The following SLCO1A2 variants were observed in gnomAD, a reference collection of about 807,000 sequenced individuals.
The protein encoded by SLCO1A2 is solute carrier organic anion transporter family member 1A2.
Under a neutral mutation model 69.0 loss-of-function variants are expected in SLCO1A2, and 67 were observed. The ratio of observed to expected loss-of-function variants is 0.97; its 90% CI spans 0.80 to 1.19. The LOEUF (loss-of-function observed/expected upper bound fraction) is 1.19, where lower values mean the gene tolerates loss of function less well. SLCO1A2 is among the 50% of genes most tolerant of loss of function. The probability of loss-of-function intolerance (pLI) is 0.00; values close to 1 mark genes in which losing one functional copy is unlikely to be tolerated. For synonymous variants in SLCO1A2, 260 were observed against 265.9 expected, an observed-to-expected ratio of 0.98 and a Z score of 0.22; for missense variants, 787 against 793.7, an observed-to-expected ratio of 0.99 and a Z score of 0.10.
At chr12:21,367,737 T>C (rs776606223) in intron 2 of SLCO1A2, among the ~76,000 whole-genome samples, 14 of 151,994 alleles carry the variant, frequency 9.2e-5, no homozygotes, top group Non-Finnish European at 2.1e-4. Flanking sequence ...GCTATCAAAG[T>C]ACCGAGACTA....
Position 21,314,597 on chromosome 12 carries a change from A to G in SLCO1A2, c.287T>C (p.Met96Thr). 6.2e-7 allele frequency: 1 copy of G among 1,614,144 alleles called. No homozygotes were observed. Among genetic ancestry groups the G allele is most frequent in the Non-Finnish European group, 8.5e-7 (1 of 1,179,972 alleles). Residue 96 changes from methionine to threonine, a missense_variant, in exon 4 of 15, where the codon ATG (methionine) becomes ACG (threonine). Transcript: ENST00000683939. ...PIMIGIGCVV[M>T]GLGCFLKSLP... ...TGATTTTAAGAAACAGCCTAAGCCC[A>G]TAACCACACATCCAATGCCAATCAT...
In SLCO1A2 at chr12:21,266,679, G is replaced by A. The variant is rs947402344; in HGVS notation, c.*2869C>T. 11 of 151,922 alleles carry A rather than the reference G, an allele frequency of 7.2e-5. 1 individual carries two copies. Among genetic ancestry groups the A allele is most frequent in the Admixed American group, 7.2e-4 (11 of 15,230 alleles). The allele number at this position is 151,922 out of a possible 1,614,324, so 9.4% of individuals were successfully genotyped here. A position where few individuals can be genotyped will look rare whatever the true frequency, so the allele number is the denominator to read the frequency against. The stretch of plus-strand genomic sequence containing the variant: ...ACCCCAGCCCTTGAACCTTAAGGGT[G>A]TGTATATTCTGAGGTCTTCGAGCAT... On this transcript the variant is annotated 3_prime_UTR_variant, in exon 15 of 15. Transcript: ENST00000683939.
At chr12:21,397,539 G>T (rs1941517403), upstream of SLCO1A2, among the ~76,000 whole-genome samples, 1 of 152,068 alleles carries the variant, frequency 6.6e-6, no homozygotes, top group Non-Finnish European at 1.5e-5. Flanking sequence ...GACATCTACA[G>T]AACCCTCCAC....
intron 4 of SLCO1A2, among the ~76,000 whole-genome samples, chr12:21,308,512 A>G (rs753691897): frequency 6.6e-6 from 1 of 152,212 alleles, no homozygotes; most frequent in Non-Finnish European, 1.5e-5. Flanking sequence ...TTCAACTCCC[A>G]GAGACATCCC....
chr12:21,334,847 T>A lies in SLCO1A2; in HGVS notation c.-83A>T, dbSNP rs1952827514. ...AATACCTGGAACGCTTTAATACAGA[T>A]TAGAAAATCATGGTGTTAGAGAAGA... On this transcript the variant is annotated 5_prime_UTR_variant, in exon 1 of 15. An upstream open reading frame in the 5' UTR loses its in-frame stop. Coordinates refer to ENST00000683939, the MANE Select transcript of SLCO1A2 (RefSeq NM_001386879.1). The A allele has an allele frequency of 2.1e-6, 1 of 466,642 alleles. No homozygotes were observed. The highest frequency in any genetic ancestry group is 3.8e-6 in the Non-Finnish European group (1 of 265,956). The allele number at this position is 466,642 out of a possible 1,614,324, so 28.9% of individuals were successfully genotyped here.
At chr12:21,392,571 C>T (rs1030732400) in intron 1 of SLCO1A2, among the ~76,000 whole-genome samples, 1 of 152,188 alleles carries the variant, frequency 6.6e-6, no homozygotes, top group African/African-American at 2.4e-5. Context: ...GAAAGTGGGA[C>T]ACACAGCACA....
At chr12:21,333,768 T>C (rs1454235971) in intron 2 of SLCO1A2, among the ~76,000 whole-genome samples, 1 of 152,280 alleles carries the variant, frequency 6.6e-6, no homozygotes, top group East Asian at 1.9e-4. Context: ...GGAATGTTGC[T>C]ATTACCCTTT....
intron 6 of SLCO1A2, among the ~76,000 whole-genome samples, chr12:21,303,167 A>T (rs1198984907): frequency 6.6e-6 from 1 of 152,096 alleles, no homozygotes; most frequent in Non-Finnish European, 1.5e-5. Context: ...TATAGTACTA[A>T]TAATTATGTA....
intron 12 of SLCO1A2, 26 bp from the exon 13 acceptor site, chr12:21,275,450 A>AAAAG: frequency 7.0e-7 from 1 of 1,425,976 alleles, no homozygotes; most frequent in East Asian, 2.5e-5. Context: ...GTTTGTAAAT[A>AAAAG]AAAGAAAAAT....
intron 2 of SLCO1A2, among the ~76,000 whole-genome samples, chr12:21,363,683 A>G (rs1002894423): frequency 2.6e-5 from 4 of 152,210 alleles, no homozygotes; most frequent in Admixed American, 1.3e-4. Flanking sequence ...GAGAAGTGTC[A>G]AACAGAAGCA....
upstream of SLCO1A2, chr12:21,334,942 A>G (rs142978927): frequency 3.3e-4 from 84 of 258,306 alleles, no homozygotes; most frequent in Middle Eastern, 1.2e-3. Flanking sequence ...GAGATTAAAG[A>G]TATTAGAATT....
At chr12:21,283,313 T>C (rs1156831328) in intron 12 of SLCO1A2, among the ~76,000 whole-genome samples, 4 of 152,200 alleles carry the variant, frequency 2.6e-5, no homozygotes, top group Middle Eastern at 3.4e-3. Flanking sequence ...AGAATGTACA[T>C]TGGGGAAAAG....
chr12:21,371,051 A>G (rs954373380), intron 2 of SLCO1A2, among the ~76,000 whole-genome samples: 2 of 152,230 alleles, frequency 1.3e-5, no homozygotes, highest in African/African-American at 4.8e-5. Context: ...GTAGCAGCTT[A>G]CGGCGGTTTT....
At chr12:21,404,027 G>A (rs1260438126) in intron 1 of SLCO1A2, among the ~76,000 whole-genome samples, 8 of 151,956 alleles carry the variant, frequency 5.3e-5, no homozygotes, top group Admixed American at 4.6e-4. Flanking sequence ...GAGTTGATGC[G>A]GACAAGGATA....
At chr12:21,271,034 A>C (rs910112907) in intron 14 of SLCO1A2, among the ~76,000 whole-genome samples, 18 of 151,780 alleles carry the variant, frequency 1.2e-4, no homozygotes, top group African/African-American at 4.3e-4. Flanking sequence ...GATTCAGAAA[A>C]AAATGGACAC....
chr12:21,333,720 C>T (rs1289490354), intron 2 of SLCO1A2, among the ~76,000 whole-genome samples: 1 of 151,952 alleles, frequency 6.6e-6, no homozygotes, highest in East Asian at 1.9e-4. Flanking sequence ...TACAATATTC[C>T]AGTCATTGTT....
intron 1 of SLCO1A2, chr12:21,379,194 T>C (rs1940427035): frequency 6.6e-6 from 1 of 152,246 alleles, no homozygotes; most frequent in Non-Finnish European, 1.5e-5. Context: ...AATGCTGTTT[T>C]AAAAACAAAG....
chr12:21,316,497 T>C (rs1296443400), intron 3 of SLCO1A2, among the ~76,000 whole-genome samples: 1 of 152,066 alleles, frequency 6.6e-6, no homozygotes, highest in Admixed American at 6.5e-5. Flanking sequence ...ACCCAGGGAA[T>C]AGTTCTTCAT....
chr12:21,411,877 G>A (rs943736743), intron 1 of SLCO1A2, among the ~76,000 whole-genome samples: 1 of 151,722 alleles, frequency 6.6e-6, no homozygotes, highest in Non-Finnish European at 1.5e-5. Flanking sequence ...GTAGAGACGG[G>A]GTTTTGCCAT....
Sources: gnomAD v4.1 joint callset for allele counts (sites outside exome capture counted in the v4.1 genomes callset) on GRCh38, gnomAD v4.1.1 for gene constraint, MANE v1.5 for transcripts, NCBI Gene and HGNC (gene_info 2026-07-23, HGNC 2026-07-21) for gene names.